The following C2 variants were observed in gnomAD, a reference collection of about 807,000 sequenced individuals.
C2 encodes the protein C3/C5 convertase.
Under a neutral mutation model 85.2 loss-of-function variants are expected in C2, and 64 were observed. That is an observed-to-expected ratio of 0.75 (90% confidence interval 0.61 to 0.92). C2 has a LOEUF of 0.92. Ranked by LOEUF, C2 falls within the 40% of genes least tolerant of loss-of-function variation. C2 has a pLI of 0.00. For missense variants in C2, 820 were observed against 971.6 expected (o/e 0.84, Z 2.07); for synonymous variants, 311 against 370.8 (o/e 0.84, Z 1.85).
intron 8 of C2, 107 bp downstream of exon 8, chr6:31,937,566 A>C (rs1770535285): frequency 6.9e-7 from 1 of 1,449,968 alleles, no homozygotes; most frequent in Non-Finnish European, 9.6e-7. Context: ...TTTGGGCCCC[A>C]GTTTTGTTTT....
At chr6:31,912,071 C>T (rs1768150737) in intron 1 of C2, among the ~76,000 whole-genome samples, 2 of 152,034 alleles carry the variant, frequency 1.3e-5, no homozygotes, top group South Asian at 4.2e-4. Flanking sequence ...CGTGCCTGGC[C>T]AGATTCTGCA....
chr6:31,942,739 G>C (rs1377719192), intron 9 of C2, among the ~76,000 whole-genome samples: 1 of 152,210 alleles, frequency 6.6e-6, no homozygotes, highest in Non-Finnish European at 1.5e-5. Context: ...GTGTGACCAT[G>C]CCTATGGATT....
At chr6:31,926,713 C>A (rs1769289918), upstream of C2, among the ~76,000 whole-genome samples, 1 of 152,100 alleles carries the variant, frequency 6.6e-6, no homozygotes, top group Non-Finnish European at 1.5e-5. Flanking sequence ...TGGCTCACTG[C>A]AACCTCCATC....
chr6:31,938,843 C>T (rs188535629), intron 8 of C2, among the ~76,000 whole-genome samples: 6 of 152,024 alleles, frequency 3.9e-5, no homozygotes, highest in Admixed American at 6.6e-5. Flanking sequence ...AGTAGAGGTG[C>T]GGTTTCTCCA....
upstream of C2, among the ~76,000 whole-genome samples, chr6:31,926,145 T>C (rs947339489): frequency 1.3e-5 from 2 of 152,130 alleles, no homozygotes; most frequent in Non-Finnish European, 2.9e-5. Context: ...CTAGGAAATA[T>C]GGTCTTTAGC....
upstream of C2, chr6:31,900,675 C>T (rs1704218288): frequency 7.4e-6 from 12 of 1,612,236 alleles, no homozygotes; most frequent in South Asian, 2.2e-5. This position sits in a 1 kb window ranked among gnomAD's most constrained non-coding sequence, Gnocchi z 9.7. Flanking sequence ...TCCACCTTGA[C>T]GATGCAGATG....
rs1181190618 is a variant in C2, at chr6:31,944,932, A to G, written c.2030-48A>G. 1 of 1,612,788 alleles carries G rather than the reference A, an allele frequency of 6.2e-7. No individual in the cohort carries two copies. Among genetic ancestry groups the G allele is most frequent in the South Asian group, 1.1e-5 (1 of 91,072 alleles). On this transcript the variant is annotated intron_variant, in intron 16 of 17. Transcript: ENST00000299367. The surrounding 1 kb of genome is among the most constrained non-coding windows in gnomAD (Gnocchi z 5.1). ...TGGCCAGCATGCATGCCAGAACACC[A>G]GTCCACTGCCCTAGATGACACTGTC...
intron 1 of C2, among the ~76,000 whole-genome samples, chr6:31,906,302 C>G (rs1404474132): frequency 6.6e-6 from 1 of 151,940 alleles, no homozygotes; most frequent in Non-Finnish European, 1.5e-5. Flanking sequence ...TTTCTGAACT[C>G]CCATCCATCC....
chr6:31,930,413 G>T (rs980661953), intron 3 of C2, among the ~76,000 whole-genome samples: 2 of 152,110 alleles, frequency 1.3e-5, no homozygotes, highest in African/African-American at 4.8e-5. Context: ...ACAGGATCTC[G>T]CTGTGTTGCC....
At chr6:31,919,149 T>G (rs1189502750), upstream of C2, among the ~76,000 whole-genome samples, 1 of 151,192 alleles carries the variant, frequency 6.6e-6, no homozygotes, top group Non-Finnish European at 1.5e-5. Flanking sequence ...CTTTTCTTTT[T>G]TTTTTTTTTC....
chr6:31,934,381 C>T, intron 6 of C2, 82 bp downstream of exon 6: 1 of 1,560,372 alleles, frequency 6.4e-7, no homozygotes. Flanking sequence ...CCTCAGAACC[C>T]CACTCACAGC....
upstream of C2, among the ~76,000 whole-genome samples, chr6:31,917,863 G>A (rs963882632): frequency 6.6e-6 from 1 of 151,840 alleles, no homozygotes; most frequent in African/African-American, 2.4e-5. Context: ...CCGAGATCAC[G>A]CCATTGCACT....
At chr6:31,923,649 A>T (rs997323167), upstream of C2, among the ~76,000 whole-genome samples, 2 of 141,234 alleles carry the variant, frequency 1.4e-5, no homozygotes, top group African/African-American at 2.6e-5. Flanking sequence ...CACCCAGCTA[A>T]TTTTTTTTTT....
At chr6:31,932,287 CGGGGGGCTG>C in intron 3 of C2, 1 of 164,332 alleles carries the variant, frequency 6.1e-6, no homozygotes, top group Non-Finnish European at 1.3e-5. Flanking sequence ...GCTGGCCGGG[CGGGGGGCTG>C]ACCCCCCCAC....
At chr6:31,902,915 A>G (rs1767461963) in intron 1 of C2, among the ~76,000 whole-genome samples, 1 of 152,122 alleles carries the variant, frequency 6.6e-6, no homozygotes, top group Non-Finnish European at 1.5e-5. Context: ...TTCTACTCTA[A>G]TCTTCCACCG....
intron 1 of C2, among the ~76,000 whole-genome samples, chr6:31,905,010 C>A (rs147623247): frequency 1.3e-5 from 2 of 152,106 alleles, no homozygotes; most frequent in Non-Finnish European, 2.9e-5. Context: ...AGGGGGTTTA[C>A]AATCATCTAG....
rs1490316881 is a variant in C2 at position 31,943,903 on chromosome 6, G to C, written c.1734-14G>C. ...CTGGGGACAGGCTGGTGTGACCCTT[G>C]CTCTTCTCCCCAGGCCCATCTGCCT... On this transcript the variant is annotated splice_polypyrimidine_tract_variant and intron_variant, in intron 13 of 17. Coordinates refer to ENST00000299367, the MANE Select transcript of C2 (RefSeq NM_000063.6). The surrounding 1 kb of genome is among the most constrained non-coding windows in gnomAD (Gnocchi z 6.4). The C allele has an allele frequency of 6.2e-7, 1 of 1,612,738 alleles. No individual in the cohort carries two copies. The highest frequency in any genetic ancestry group is 8.5e-7 in the Non-Finnish European group (1 of 1,179,930).
upstream of C2, among the ~76,000 whole-genome samples, chr6:31,899,346 C>T (rs1035275602): frequency 6.6e-6 from 1 of 150,634 alleles, no homozygotes; most frequent in Admixed American, 6.6e-5. Context: ...TCTTACCTGG[C>T]GTCTTACTTT....
upstream of C2, among the ~76,000 whole-genome samples, chr6:31,918,363 G>A (rs1183667447): frequency 6.6e-6 from 1 of 152,110 alleles, no homozygotes; most frequent in Non-Finnish European, 1.5e-5. Flanking sequence ...GAGGCAGGAG[G>A]ATCACTTGAA....
Sources: allele counts gnomAD v4.1 joint callset (sites outside exome capture counted in the v4.1 genomes callset), GRCh38; gene constraint gnomAD v4.1.1; non-coding constraint Gnocchi (gnomAD v3.1); transcripts MANE v1.5; gene names NCBI Gene and HGNC (gene_info 2026-07-23, HGNC 2026-07-21).